HEATR5A: variants seen among roughly 807,000 people sequenced by gnomAD.
HEATR5A encodes the protein HEAT repeat containing 5A.
Under a neutral mutation model 218.8 loss-of-function variants are expected in HEATR5A, and 178 were observed. The ratio of observed to expected loss-of-function variants is 0.81; its 90% CI spans 0.72 to 0.92. The LOEUF is 0.92. Ranked by LOEUF, HEATR5A falls within the 40% of genes least tolerant of loss-of-function variation. The pLI is 0.00. For missense variants in HEATR5A, 2,420 were observed against 2,418.9 expected (o/e 1.00, Z -0.01); for synonymous variants, 864 against 871.6 (o/e 0.99, Z 0.15).
chr14:31,293,208 C>G lies in HEATR5A; in HGVS notation c.*97G>C. On this transcript the variant is annotated 3_prime_UTR_variant, in exon 36 of 36. Transcript: ENST00000543095. ...ATTTAAGGTAAAACAATCAACTAGA[C>G]CTCTAAGGGCACTTGTGTCTACAAT... The G allele has an allele frequency of 1.1e-6, 1 of 902,700 alleles. No homozygotes were observed. The highest frequency in any genetic ancestry group is 1.7e-6 in the Non-Finnish European group (1 of 589,254). The allele number at this position is 902,700 out of a possible 1,614,324, so 55.9% of individuals were successfully genotyped here. A position where few individuals can be genotyped will look rare whatever the true frequency, so the allele number is the denominator to read the frequency against.
chr14:31,293,821 T>A, intron 35 of HEATR5A, 70 bp downstream of exon 35: 1 of 1,297,380 alleles, frequency 7.7e-7, no homozygotes, highest in South Asian at 1.3e-5. Flanking sequence ...ACTGATTGTT[T>A]TGCAATTTAA....
At chr14:31,299,108 A>G (rs1341117877) in intron 33 of HEATR5A, among the ~76,000 whole-genome samples, 1 of 152,164 alleles carries the variant, frequency 6.6e-6, no homozygotes, top group East Asian at 1.9e-4. Flanking sequence ...CAATTGTCCC[A>G]TAGGTTACAC....
At chr14:31,412,525 A>T (rs1342671066) in intron 1 of HEATR5A, among the ~76,000 whole-genome samples, 2 of 151,870 alleles carry the variant, frequency 1.3e-5, no homozygotes, top group East Asian at 3.9e-4. Flanking sequence ...CTCAAAAAAA[A>T]AAAAAAAGAA....
intron 14 of HEATR5A, 86 bp from the exon 15 acceptor site, chr14:31,359,143 C>A: frequency 7.9e-7 from 1 of 1,269,938 alleles, no homozygotes; most frequent in Non-Finnish European, 1.1e-6. Flanking sequence ...AGCTTTAATG[C>A]ACCCACTGGC....
chr14:31,343,162 G>A (rs1270428288), intron 21 of HEATR5A, among the ~76,000 whole-genome samples: 3 of 150,930 alleles, frequency 2.0e-5, no homozygotes, highest in Admixed American at 6.6e-5. Context: ...GCACGATCTC[G>A]GCTCACTGCA....
In HEATR5A at chr14:31,400,504, T is replaced by C. The variant is rs1370173532; in HGVS notation, c.135A>G (p.Val45=). 3 of 1,528,964 alleles carry C rather than the reference T, an allele frequency of 2.0e-6. No individual in the cohort carries two copies. The highest frequency in any genetic ancestry group is 1.8e-6 in the Non-Finnish European group (2 of 1,141,906). The allele number at this position is 1,528,964 out of a possible 1,614,324, so 94.7% of individuals were successfully genotyped here. A position where few individuals can be genotyped will look rare whatever the true frequency, so the allele number is the denominator to read the frequency against. ...KLLLATSRND[V]REKQKTLVEQ... ...CAACAAGAGTCTTCTGTTTCTCCCTTACATCATTCTAGAAAGAAAGATAAC... is the reference window on the plus strand; with the variant it reads ...CAACAAGAGTCTTCTGTTTCTCCCTCACATCATTCTAGAAAGAAAGATAAC... The change falls in exon 3 of 36, where the codon GTA becomes GTG. Residue 45 remains valine (V), a synonymous_variant. Coordinates refer to ENST00000543095, the MANE Select transcript of HEATR5A (RefSeq NM_015473.4).
chr14:31,371,771 T>G (rs1902045905), intron 13 of HEATR5A, 39 bp downstream of exon 13: 3 of 992,324 alleles, frequency 3.0e-6, no homozygotes, highest in African/African-American at 1.7e-5. Context: ...TATTACATAA[T>G]CAGAGGGCAA....
chr14:31,359,324 G>A (rs1446764553), intron 14 of HEATR5A, among the ~76,000 whole-genome samples: 1 of 149,796 alleles, frequency 6.7e-6, no homozygotes, highest in Non-Finnish European at 1.5e-5. Flanking sequence ...GTGTGTGTGT[G>A]TACATACCTT....
At position 31,336,209 on chromosome 14, in the gene HEATR5A, C is replaced by CATATATATAT. The variant is rs1900649354; in HGVS notation, c.3367+1266_3367+1267insATATATATAT. ...GCGCAGGGGGTTATTTTTATATATA[C>CATATATATAT]ATACATACATATATATATATATATA... On this transcript the variant is annotated intron_variant, in intron 22 of 35. Coordinates refer to ENST00000543095, the MANE Select transcript of HEATR5A (RefSeq NM_015473.4). Among the ~76,000 whole-genome samples, 5 of 57,614 alleles carry CATATATATAT rather than the reference C, an allele frequency of 8.7e-5. 1 individual carries two copies. The highest frequency in any genetic ancestry group is 1.2e-4 in the Non-Finnish European group (4 of 32,854). 37.8% of individuals were successfully genotyped at this position (57,614 alleles called of 152,430 possible). A position where few individuals can be genotyped will look rare whatever the true frequency, so the allele number is the denominator to read the frequency against.
chr14:31,407,583 TTTATATATA>T (rs2031118429), intron 1 of HEATR5A, among the ~76,000 whole-genome samples: 2 of 410 alleles, frequency 4.9e-3, no homozygotes, highest in African/African-American at 0.013. Flanking sequence ...ACTTATTTTA[TTTATATATA>T]TATATATATA....
chr14:31,371,654 C>A (rs903172785), intron 13 of HEATR5A, 156 bp downstream of exon 13: 20 of 420,254 alleles, frequency 4.8e-5, no homozygotes, highest in Non-Finnish European at 8.1e-5. Flanking sequence ...TATGTAATTT[C>A]TTTCAAGATC....
At chr14:31,348,316 C>T (rs1901087922) in intron 18 of HEATR5A, among the ~76,000 whole-genome samples, 1 of 152,114 alleles carries the variant, frequency 6.6e-6, no homozygotes, top group African/African-American at 2.4e-5. Context: ...TAGCTCACGC[C>T]TGTACTCTCA....
chr14:31,412,404 CCAACATGG>C (rs1248545532), intron 1 of HEATR5A, among the ~76,000 whole-genome samples: 1 of 151,006 alleles, frequency 6.6e-6, no homozygotes, highest in Admixed American at 6.6e-5. Context: ...CTCATCCTGG[CCAACATGG>C]TGAAACCCCA....
intron 4 of HEATR5A, among the ~76,000 whole-genome samples, chr14:31,397,488 T>A (rs1015886727): frequency 1.3e-5 from 2 of 151,896 alleles, no homozygotes; most frequent in Non-Finnish European, 2.9e-5. Context: ...TGAAACCCCG[T>A]CTCTACTAAA....
intron 22 of HEATR5A, among the ~76,000 whole-genome samples, chr14:31,335,761 C>T (rs1468945237): frequency 6.6e-6 from 1 of 152,098 alleles, no homozygotes; most frequent in Non-Finnish European, 1.5e-5. Flanking sequence ...TCAACTGATT[C>T]TTGTGCCTCA....
chr14:31,296,096 T>A (rs367727264), intron 33 of HEATR5A, 33 bp from the exon 34 acceptor site: 1 of 1,583,350 alleles, frequency 6.3e-7, no homozygotes, highest in Non-Finnish European at 8.7e-7. Context: ...AAACAGTTCA[T>A]ATTTACTGCT....
intron 16 of HEATR5A, among the ~76,000 whole-genome samples, chr14:31,358,130 A>T (rs1901489513): frequency 6.6e-6 from 1 of 152,214 alleles, no homozygotes; most frequent in Non-Finnish European, 1.5e-5. Context: ...ACCTCCTCCT[A>T]TCCCTACGCC....
intron 6 of HEATR5A, among the ~76,000 whole-genome samples, chr14:31,391,572 T>C (rs1425749010): frequency 6.6e-6 from 1 of 151,848 alleles, no homozygotes; most frequent in African/African-American, 2.4e-5. Context: ...AAATTTAGCA[T>C]AGCCTAAGTG....
At chr14:31,391,831 G>A (rs2030465987) in intron 6 of HEATR5A, among the ~76,000 whole-genome samples, 1 of 152,164 alleles carries the variant, frequency 6.6e-6, no homozygotes, top group Admixed American at 6.5e-5. Context: ...ATAGTAACAT[G>A]CTGTAGAGGT....
Sources: allele counts gnomAD v4.1 joint callset (sites outside exome capture counted in the v4.1 genomes callset), GRCh38; gene constraint gnomAD v4.1.1; transcripts MANE v1.5; gene names NCBI Gene and HGNC (gene_info 2026-07-23, HGNC 2026-07-21).